The following CTTNBP2 variants were observed in gnomAD, a reference collection of about 807,000 sequenced individuals.
CTTNBP2 encodes cortactin-binding protein 2.
A neutral mutation model predicts 156.9 loss-of-function variants in CTTNBP2; 108 were observed. That is an observed-to-expected ratio of 0.69 (90% CI 0.59 to 0.81). The LOEUF (loss-of-function observed/expected upper bound fraction) is 0.81, where lower values mean the gene tolerates loss of function less well. Ranked by LOEUF, CTTNBP2 falls within the 30% of genes least tolerant of loss-of-function variation. The pLI, the probability that CTTNBP2 is intolerant of heterozygous loss-of-function variation, is 0.00. For missense variants in CTTNBP2, 1,924 were observed against 2,035.4 expected (o/e 0.95, Z 1.05); for synonymous variants, 767 against 751.8 (o/e 1.02, Z -0.33).
intron 3 of CTTNBP2, among the ~76,000 whole-genome samples, chr7:117,798,606 C>T (rs1280048172): frequency 1.3e-5 from 2 of 151,974 alleles, no homozygotes; most frequent in African/African-American, 2.4e-5. Context: ...CAGCTAAGGC[C>T]GATATGGCTT....
intron 3 of CTTNBP2, among the ~76,000 whole-genome samples, chr7:117,793,893 G>T (rs1337811196): frequency 6.6e-6 from 1 of 152,118 alleles, no homozygotes; most frequent in Non-Finnish European, 1.5e-5. Flanking sequence ...CCAGACTTCT[G>T]CTCAGCTGTC....
At chr7:117,833,491 G>A (rs1184019141) in intron 2 of CTTNBP2, among the ~76,000 whole-genome samples, 1 of 152,222 alleles carries the variant, frequency 6.6e-6, no homozygotes, top group Non-Finnish European at 1.5e-5. Flanking sequence ...AGTTCACCAT[G>A]TGGTTTCATG....
At chr7:117,817,699 T>C (rs1800702026) in intron 2 of CTTNBP2, among the ~76,000 whole-genome samples, 2 of 152,178 alleles carry the variant, frequency 1.3e-5, no homozygotes, top group East Asian at 3.9e-4. Flanking sequence ...TATAAGCTTT[T>C]CATTTTATGA....
chr7:117,869,202 A>T (rs1486028819), intron 1 of CTTNBP2, among the ~76,000 whole-genome samples: 2 of 152,238 alleles, frequency 1.3e-5, no homozygotes, highest in African/African-American at 4.8e-5. Flanking sequence ...AAGCGGCAGT[A>T]TTAAGATGAA....
intron 2 of CTTNBP2, among the ~76,000 whole-genome samples, chr7:117,841,598 A>G (rs1455788922): frequency 6.6e-6 from 1 of 152,158 alleles, no homozygotes; most frequent in Non-Finnish European, 1.5e-5. Flanking sequence ...TCAGGACCCA[A>G]AGGGTCTTCC....
intron 1 of CTTNBP2, among the ~76,000 whole-genome samples, chr7:117,863,930 T>C (rs1472280054): frequency 6.6e-6 from 1 of 152,232 alleles, no homozygotes; most frequent in Non-Finnish European, 1.5e-5. Flanking sequence ...AATTCTTATG[T>C]GCTTTAGAGT....
At chr7:117,873,303 T>C in intron 1 of CTTNBP2, 32 bp downstream of exon 1, 1 of 1,407,220 alleles carries the variant, frequency 7.1e-7, no homozygotes. Flanking sequence ...GCGTCTACAC[T>C]AGCCCCGCGC....
chr7:117,769,374 C>T (rs1584972289), intron 8 of CTTNBP2, among the ~76,000 whole-genome samples: 3 of 152,290 alleles, frequency 2.0e-5, no homozygotes, highest in South Asian at 2.1e-4. Context: ...GGATAGGAAA[C>T]TGGGCCTTGG....
chr7:117,779,535 T>G (rs1220884657), intron 7 of CTTNBP2, among the ~76,000 whole-genome samples: 1 of 139,860 alleles, frequency 7.2e-6, no homozygotes, highest in Non-Finnish European at 1.5e-5. Flanking sequence ...TGATACAAAA[T>G]TAATTCATTT....
At chr7:117,771,352 C>T (rs1226508977) in intron 8 of CTTNBP2, among the ~76,000 whole-genome samples, 1 of 152,178 alleles carries the variant, frequency 6.6e-6, no homozygotes, top group African/African-American at 2.4e-5. Flanking sequence ...TAAAGCCCAG[C>T]TCAAGTGCTG....
chr7:117,778,273 T>C (rs987714664), intron 7 of CTTNBP2, among the ~76,000 whole-genome samples: 43 of 152,228 alleles, frequency 2.8e-4, no homozygotes, highest in African/African-American at 1.0e-3. Flanking sequence ...AGGGAAAAGG[T>C]AGACATAAAG....
chr7:117,783,662 T>C (rs539229295), intron 5 of CTTNBP2, among the ~76,000 whole-genome samples: 29 of 152,344 alleles, frequency 1.9e-4, no homozygotes, highest in African/African-American at 4.8e-5. Context: ...TCGACAATCA[T>C]ATGGGCTTCC....
At chr7:117,779,230 T>C (rs1031787480) in intron 7 of CTTNBP2, among the ~76,000 whole-genome samples, 1 of 152,234 alleles carries the variant, frequency 6.6e-6, no homozygotes, top group Non-Finnish European at 1.5e-5. Flanking sequence ...AGTAGTCTAC[T>C]ACTGAAGAGT....
At chr7:117,820,851 G>C (rs1057313999) in intron 2 of CTTNBP2, among the ~76,000 whole-genome samples, 1 of 152,072 alleles carries the variant, frequency 6.6e-6, no homozygotes, top group Non-Finnish European at 1.5e-5. Flanking sequence ...TTTAGAATCA[G>C]TTTGTAAGAT....
At chr7:117,784,535 A>G in intron 4 of CTTNBP2, 81 bp from the exon 5 acceptor site, 4 of 949,248 alleles carry the variant, frequency 4.2e-6, no homozygotes, top group African/African-American at 3.3e-5. Context: ...TGAATTACAC[A>G]CACACAAACA....
At chr7:117,830,440 C>A (rs1479172656) in intron 2 of CTTNBP2, among the ~76,000 whole-genome samples, 2 of 152,182 alleles carry the variant, frequency 1.3e-5, no homozygotes, top group Non-Finnish European at 2.9e-5. Flanking sequence ...GATCAATTAA[C>A]CTGCTAGCTT....
At chr7:117,793,288 C>T (rs1799136171) in intron 3 of CTTNBP2, 1 of 152,136 alleles carries the variant, frequency 6.6e-6, no homozygotes, top group Non-Finnish European at 1.5e-5. Context: ...TTTGAGCTTC[C>T]TATGATGAGT....
At chr7:117,866,202 C>T (rs183676842) in intron 1 of CTTNBP2, among the ~76,000 whole-genome samples, 2 of 152,072 alleles carry the variant, frequency 1.3e-5, no homozygotes, top group Admixed American at 1.3e-4. Flanking sequence ...GAACACAGGC[C>T]AATACCAAGT....
At position 117,792,133 on chromosome 7, in the gene CTTNBP2, C is replaced by G. The variant is rs998997750; in HGVS notation, c.1063G>C (p.Gly355Arg). ...CCATAGGAAGCCTGCCTGTCAATAC[C>G]TGGTCTGGCCATGGTGGCACTGGTG... is the stretch of plus-strand genomic sequence containing the variant. ...VCTSATMARP[G>R]IDRQASYGDL... is the part of the protein sequence containing the mutation. Residue 355 changes from glycine (G) to arginine (R), a missense_variant, in exon 4 of 23, where the codon GGT becomes CGT. Coordinates refer to ENST00000160373, the MANE Select transcript of CTTNBP2 (RefSeq NM_033427.3). The surrounding 1 kb of genome is among the most constrained non-coding windows in gnomAD (Gnocchi z 4.2). 6.2e-7 allele frequency: 1 copy of G among 1,614,130 alleles called. No homozygotes were observed. The highest frequency in any genetic ancestry group is 1.1e-5 in the South Asian group (1 of 91,064).
Sources: gnomAD v4.1 joint callset for allele counts (sites outside exome capture counted in the v4.1 genomes callset) on GRCh38, gnomAD v4.1.1 for gene constraint, Gnocchi (gnomAD v3.1) non-coding constraint, MANE v1.5 for transcripts, NCBI Gene and HGNC (gene_info 2026-07-23, HGNC 2026-07-21) for gene names.